The following COL5A2 variants were observed in gnomAD, a reference collection of about 807,000 sequenced individuals.
COL5A2 encodes collagen alpha-2(V) chain.
In COL5A2, 23 loss-of-function variants were observed where a neutral mutation model predicts 208.2. That is an observed-to-expected ratio of 0.11 (90% confidence interval 0.08 to 0.16). The LOEUF is 0.16. Ranked by LOEUF, COL5A2 falls within the 10% of genes least tolerant of loss-of-function variation. COL5A2 has a pLI of 1.00. For synonymous variants in COL5A2, 625 were observed against 628.5 expected (o/e 0.99, Z 0.08); for missense variants, 1,590 against 1,956.4 (o/e 0.81, Z 3.53).
At chr2:189,248,988 G>T in the COL5A2 span, among the ~76,000 whole-genome samples, 1 of 152,074 alleles carries the variant, frequency 6.6e-6, no homozygotes, top group African/African-American at 2.4e-5. Context: ...TAAATTAATA[G>T]TTGGCTTAAC....
intron 7 of COL5A2, among the ~76,000 whole-genome samples, chr2:189,090,762 T>C (rs1054003197): frequency 6.6e-6 from 1 of 152,196 alleles, no homozygotes; most frequent in Admixed American, 6.5e-5. Context: ...TAACAGCACA[T>C]CTGTTTACAG....
intron 1 of COL5A2, among the ~76,000 whole-genome samples, chr2:189,114,499 A>G (rs1308869968): frequency 2.0e-5 from 3 of 152,190 alleles, no homozygotes; most frequent in Non-Finnish European, 4.4e-5. Flanking sequence ...TATAAATGAC[A>G]ACACAGTATA....
chr2:189,440,642 T>C, the COL5A2 span, among the ~76,000 whole-genome samples: 15 of 152,134 alleles, frequency 9.9e-5, no homozygotes, highest in Non-Finnish European at 1.5e-5. Context: ...ATAGGCAACA[T>C]AATATACAGG....
chr2:189,036,754 T>A lies in COL5A2; in HGVS notation c.3975A>T (p.Lys1325Asn), dbSNP rs775697182. ...CTCCTGTTTCCATGTTGCAGTAAACTTTGATTGCATCTTCAACAGATCCTT... is the reference window on the plus strand; with the variant it reads ...CTCCTGTTTCCATGTTGCAGTAAACATTGATTGCATCTTCAACAGATCCTT... ...PNQGSVEDAI[K>N]VYCNMETGET... is the part of the protein sequence containing the mutation. Residue 1325 changes from lysine to asparagine, a missense_variant, in exon 52 of 54, where the codon AAA (lysine) becomes AAT (asparagine). By Grantham distance (94) the Lys-to-Asn change is moderately conservative. Coordinates refer to ENST00000374866, the MANE Select transcript of COL5A2 (RefSeq NM_000393.5). 1 of 1,613,744 alleles carries A rather than the reference T, an allele frequency of 6.2e-7. No homozygotes were observed. The highest frequency in any genetic ancestry group is 1.1e-5 in the South Asian group (1 of 91,050).
chr2:189,394,015 C>T, the COL5A2 span, among the ~76,000 whole-genome samples: 1 of 152,066 alleles, frequency 6.6e-6, no homozygotes, highest in Non-Finnish European at 1.5e-5. Flanking sequence ...CAACTTTATT[C>T]ATCAGAAGCT....
intron 9 of COL5A2, 116 bp from the exon 10 acceptor site, chr2:189,085,888 G>A (rs1686647556): frequency 2.4e-6 from 2 of 822,954 alleles, no homozygotes; most frequent in Non-Finnish European, 4.0e-6. Flanking sequence ...TCTTCCAGCT[G>A]TGTGACTTTG....
At chr2:189,352,718 T>C in the COL5A2 span, among the ~76,000 whole-genome samples, 1 of 152,134 alleles carries the variant, frequency 6.6e-6, no homozygotes, top group Non-Finnish European at 1.5e-5. Flanking sequence ...ATTGAGAAAA[T>C]TTTCTCTCAT....
At chr2:189,367,404 A>G in the COL5A2 span, among the ~76,000 whole-genome samples, 1 of 152,168 alleles carries the variant, frequency 6.6e-6, no homozygotes, top group East Asian at 1.9e-4. Flanking sequence ...AAAATTCCAC[A>G]TATTGACTTC....
chr2:189,041,725 TA>T (rs1475735326), intron 49 of COL5A2, 32 bp from the exon 50 acceptor site: 1 of 1,514,234 alleles, frequency 6.6e-7, no homozygotes, highest in East Asian at 2.3e-5. Context: ...GTTTAGATTC[TA>T]TGAAGGAAAA....
At chr2:189,167,353 A>G (rs1228306491) in intron 1 of COL5A2, among the ~76,000 whole-genome samples, 1 of 152,218 alleles carries the variant, frequency 6.6e-6, no homozygotes, top group Non-Finnish European at 1.5e-5. Flanking sequence ...GAGCCTATTC[A>G]CTGATTTATC....
At chr2:189,247,303 T>C in the COL5A2 span, among the ~76,000 whole-genome samples, 2 of 152,190 alleles carry the variant, frequency 1.3e-5, no homozygotes, top group Non-Finnish European at 2.9e-5. Flanking sequence ...GATTTTAAAA[T>C]GTACATTAAT....
chr2:189,104,186 T>C, intron 3 of COL5A2, 78 bp downstream of exon 3: 1 of 1,065,428 alleles, frequency 9.4e-7, no homozygotes, highest in Admixed American at 1.7e-5. Flanking sequence ...TTTCAAACGT[T>C]TCAGAGCACA....
Position 189,054,140 on chromosome 2 carries a change from T to C in COL5A2, c.2445+19A>G, listed in dbSNP as rs1244133119. The C allele has an allele frequency of 1.2e-6, 2 of 1,611,712 alleles. 1 individual carries two copies. ...GGACTCATAATTTTGAGTGTACAAA[T>C]TAACAACTTGTGACTTACCTTTTCT... is the stretch of plus-strand genomic sequence containing the variant. On this transcript the variant is annotated intron_variant, in intron 36 of 53. Coordinates refer to ENST00000374866, the MANE Select transcript of COL5A2 (RefSeq NM_000393.5).
At chr2:189,252,445 G>T in the COL5A2 span, among the ~76,000 whole-genome samples, 1 of 152,186 alleles carries the variant, frequency 6.6e-6, no homozygotes. Flanking sequence ...AAAAGGATGA[G>T]TTCATGTCCT....
chr2:189,330,591 T>A, the COL5A2 span, among the ~76,000 whole-genome samples: 2 of 152,140 alleles, frequency 1.3e-5, no homozygotes, highest in African/African-American at 2.4e-5. Flanking sequence ...CAGACAGAAA[T>A]CTCTGTCCGT....
intron 41 of COL5A2, among the ~76,000 whole-genome samples, chr2:189,051,810 T>A (rs941179170): frequency 3.9e-5 from 6 of 152,204 alleles, no homozygotes; most frequent in African/African-American, 1.2e-4. Context: ...TCTGAGATAA[T>A]TATTTATTCT....
At chr2:189,309,896 T>A in the COL5A2 span, among the ~76,000 whole-genome samples, 1 of 152,198 alleles carries the variant, frequency 6.6e-6, no homozygotes, top group African/African-American at 2.4e-5. Flanking sequence ...AAAACTGGCA[T>A]ACATCCATTC....
At chr2:189,055,025 A>C (rs953846678) in intron 35 of COL5A2, among the ~76,000 whole-genome samples, 2 of 151,950 alleles carry the variant, frequency 1.3e-5, no homozygotes, top group Admixed American at 1.3e-4. Context: ...CTGGGATTGC[A>C]AGCGTCTGTC....
At chr2:189,231,193 C>G in the COL5A2 span, among the ~76,000 whole-genome samples, 1 of 149,552 alleles carries the variant, frequency 6.7e-6, no homozygotes, top group African/African-American at 2.4e-5. Flanking sequence ...TGAGGAGTTT[C>G]TTTTCAGTCA....
Sources: gnomAD v4.1 joint callset for allele counts (sites outside exome capture counted in the v4.1 genomes callset) on GRCh38, gnomAD v4.1.1 for gene constraint, MANE v1.5 for transcripts, NCBI Gene and HGNC (gene_info 2026-07-23, HGNC 2026-07-21) for gene names.